Variants in TMEM179B observed in about 807,000 individuals in gnomAD.
TMEM179B encodes the protein transmembrane protein 179B.
A neutral mutation model predicts 18.0 loss-of-function variants in TMEM179B; 13 were observed. The observed-to-expected ratio is 0.72, with a 90% CI of 0.47 to 1.15. The LOEUF (loss-of-function observed/expected upper bound fraction) is 1.15, where lower values mean the gene tolerates loss of function less well. Ranked by LOEUF, TMEM179B falls within the 50% of genes most tolerant of loss-of-function variation. The probability of loss-of-function intolerance (pLI) is 0.00; values close to 1 mark genes in which losing one functional copy is unlikely to be tolerated. For synonymous variants in TMEM179B, 159 were observed against 117.5 expected (o/e 1.35, Z -2.29); for missense variants, 320 against 270.6 (o/e 1.18, Z -1.28).
chr11:62,790,158 G>C lies in TMEM179B; in HGVS notation c.*111G>C, dbSNP rs2134744255. On this transcript the variant is annotated 3_prime_UTR_variant, in exon 5 of 5. Transcript: ENST00000333449. ...AGTCTTAGTTTTCCTTTCGTTGGGG[G>C]GTGGGGGGGAAACATAATGACAGGC... 7.8e-7 allele frequency: 1 copy of C among 1,282,152 alleles called. No homozygotes were observed. Among genetic ancestry groups the C allele is most frequent in the Non-Finnish European group, 1.0e-6 (1 of 963,648 alleles). 79.4% of individuals were successfully genotyped at this position (1,282,152 alleles called of 1,614,324 possible).
chr11:62,787,460 A>G lies in TMEM179B; in HGVS notation c.29A>G (p.Glu10Gly), dbSNP rs947126378. The G allele has an allele frequency of 3.2e-6, 5 of 1,574,170 alleles. No homozygotes were observed. The African/African-American group carries it at 5.4e-5, about 17-fold the overall frequency. Residue 10 changes from glutamate (E) to glycine (G), a missense_variant, in exon 1 of 5, where the codon GAG becomes GGG. Transcript: ENST00000333449. MALSWLQRV[E>G]LALFAAAFLC... ...GCGCTGTCCTGGCTGCAGCGCGTCG[A>G]GCTTGCGCTCTTTGCTGCCGCCTTC...
In TMEM179B at chr11:62,789,694, T is replaced by C; in HGVS notation, c.498+15T>C. 3 of 1,533,068 alleles carry C rather than the reference T, an allele frequency of 2.0e-6. No homozygotes were observed. Among genetic ancestry groups the C allele is most frequent in the Non-Finnish European group, 2.6e-6 (3 of 1,142,652 alleles). 95.0% of individuals were successfully genotyped at this position (1,533,068 alleles called of 1,614,324 possible). A position where few individuals can be genotyped will look rare whatever the true frequency, so the allele number is the denominator to read the frequency against. On this transcript the variant is annotated intron_variant, in intron 4 of 4. Transcript: ENST00000333449. ...ACAATGCTGAAGTGAGACCCAAGGA[T>C]AGGAGGAAAAACTGACATAAATATC...
At chr11:62,789,529 G>T (rs1042221460) in intron 3 of TMEM179B, 72 bp from the exon 4 acceptor site, 4 of 1,580,500 alleles carry the variant, frequency 2.5e-6, no homozygotes, top group African/African-American at 2.7e-5. Flanking sequence ...TCAACTCACA[G>T]GGCACTGGGC....
At chr11:62,787,642 A>G in intron 1 of TMEM179B, 115 bp downstream of exon 1, 2 of 1,329,360 alleles carry the variant, frequency 1.5e-6, no homozygotes, top group East Asian at 5.1e-5. Flanking sequence ...GGACCTGGTG[A>G]GGCACGGCTG....
At chr11:62,788,314 A>T (rs1408559013) in intron 1 of TMEM179B, among the ~76,000 whole-genome samples, 1 of 151,990 alleles carries the variant, frequency 6.6e-6, no homozygotes, top group Non-Finnish European at 1.5e-5. Context: ...GAGGCAGGAG[A>T]ATCGCTTGAA....
Position 62,789,105 on chromosome 11 carries a change from C to A in TMEM179B, c.179C>A (p.Pro60Gln). The A allele has an allele frequency of 6.2e-7, 1 of 1,614,228 alleles. No individual in the cohort carries two copies. The highest frequency in any genetic ancestry group is 8.5e-7 in the Non-Finnish European group (1 of 1,180,030). Reference protein sequence around the residue: ...SSLALSRPSAPSLCYFVAGAS... With the variant: ...SSLALSRPSAQSLCYFVAGAS... ...CTGGCCTTATCCCGTCCCTCAGCAC[C>A]ATCCCTGTGCTACTTTGTAGCTGGG... Residue 60 changes from proline to glutamine, a missense_variant, in exon 2 of 5, where the codon CCA becomes CAA. By Grantham distance (76) the Pro-to-Gln change is moderately conservative. Transcript: ENST00000333449.
chr11:62,787,967 A>G (rs1451312615), intron 1 of TMEM179B: 6 of 471,998 alleles, frequency 1.3e-5, no homozygotes, highest in South Asian at 3.1e-5. Flanking sequence ...TGACAAAATG[A>G]GAGATGGAGA....
Position 62,787,449 on chromosome 11 carries a change from G to A in TMEM179B, c.18G>A (p.Leu6=). 1 of 1,568,718 alleles carries A rather than the reference G, an allele frequency of 6.4e-7. No individual in the cohort carries two copies. Among genetic ancestry groups the A allele is most frequent in the South Asian group, 1.1e-5 (1 of 87,828 alleles). The change falls in exon 1 of 5, where the codon CTG becomes CTA. Residue 6 remains leucine (L), a synonymous_variant. Coordinates refer to ENST00000333449, the MANE Select transcript of TMEM179B (RefSeq NM_199337.3). The part of the protein sequence containing the change: MALSW[L]QRVELALFAA... ...AGGGCGCCATGGCGCTGTCCTGGCT[G>A]CAGCGCGTCGAGCTTGCGCTCTTTG...
Position 62,787,484 on chromosome 11 carries a change from T to A in TMEM179B, c.53T>A (p.Phe18Tyr), listed in dbSNP as rs1276875283. The stretch of plus-strand genomic sequence containing the variant: ...GAGCTTGCGCTCTTTGCTGCCGCCT[T>A]CCTGTGCGGGGCCGTGGCGGCCGCG... ...RVELALFAAA[F>Y]LCGAVAAAAM... Residue 18 changes from phenylalanine (F) to tyrosine (Y), a missense_variant, in exon 1 of 5, where the codon TTC becomes TAC. By Grantham distance (22) the Phe-to-Tyr change is conservative. Coordinates refer to ENST00000333449, the MANE Select transcript of TMEM179B (RefSeq NM_199337.3). 7.2e-5 allele frequency: 114 copies of A among 1,580,080 alleles called. No homozygotes were observed. Among genetic ancestry groups the A allele is most frequent in the Non-Finnish European group, 9.5e-5 (111 of 1,170,898 alleles).
intron 1 of TMEM179B, among the ~76,000 whole-genome samples, chr11:62,788,186 T>G (rs1305812099): frequency 7.0e-6 from 1 of 143,450 alleles, no homozygotes; most frequent in Non-Finnish European, 1.5e-5. Flanking sequence ...GCGGATCACT[T>G]GAGGTCAGGA....
In TMEM179B at chr11:62,789,273, C is replaced by G. The variant is rs1242058766; in HGVS notation, c.285-19C>G. ...GATGAGCCTCACCTCCACCACAAGG[C>G]TTGTTCTCTCCCTTTCAGAGGTGCT... On this transcript the variant is annotated intron_variant, in intron 2 of 4. Coordinates refer to ENST00000333449, the MANE Select transcript of TMEM179B (RefSeq NM_199337.3). The G allele has an allele frequency of 1.9e-6, 3 of 1,614,110 alleles. No individual in the cohort carries two copies. Among genetic ancestry groups the G allele is most frequent in the Admixed American group, 3.3e-5 (2 of 60,010 alleles).
At chr11:62,787,636 C>T (rs1047698794) in intron 1 of TMEM179B, 109 bp downstream of exon 1, 4 of 1,352,636 alleles carry the variant, frequency 3.0e-6, no homozygotes, top group Non-Finnish European at 2.9e-6. Flanking sequence ...GCCGGTGGAC[C>T]TGGTGAGGCA....
In TMEM179B at chr11:62,787,411, C is replaced by G. The variant is rs772694587; in HGVS notation, c.-21C>G. The G allele has an allele frequency of 7.7e-6, 12 of 1,556,778 alleles. No individual in the cohort carries two copies. Among genetic ancestry groups the G allele is most frequent in the Admixed American group, 7.5e-5 (4 of 53,166 alleles). On this transcript the variant is annotated 5_prime_UTR_variant, in exon 1 of 5. Coordinates refer to ENST00000333449, the MANE Select transcript of TMEM179B (RefSeq NM_199337.3). ...TGGGCGGGGTGCTGCTGCAGCGGCG[C>G]TTCCTGGTGGTCAGGGCGCCATGGC...
chr11:62,789,356 T>TC lies in TMEM179B; in HGVS notation c.350dup (p.Ala118CysfsTer23). The TC allele has an allele frequency of 6.2e-7, 1 of 1,613,972 alleles. No homozygotes were observed. Among genetic ancestry groups the TC allele is most frequent in the Non-Finnish European group, 8.5e-7 (1 of 1,180,014 alleles). ...TATAGCCGTCTTCCTGGTCTTGGTG[T>TC]CTGCCTGTATCCTTCGATTTGGCAC... is the stretch of plus-strand genomic sequence containing the variant. On this transcript the variant is annotated frameshift_variant, in exon 3 of 5. Coordinates refer to ENST00000333449, the MANE Select transcript of TMEM179B (RefSeq NM_199337.3). LOFTEE classifies it high-confidence loss of function.
rs2084342551 is a variant in TMEM179B, at chr11:62,790,150, C to T, written c.*103C>T. ...ATGTTGGGAGTCTTAGTTTTCCTTTCGTTGGGGGGTGGGGGGGAAACATAA... is the reference window on the plus strand; with the variant it reads ...ATGTTGGGAGTCTTAGTTTTCCTTTTGTTGGGGGGTGGGGGGGAAACATAA... On this transcript the variant is annotated 3_prime_UTR_variant, in exon 5 of 5. Transcript: ENST00000333449. 14 of 459,242 alleles carry T rather than the reference C, an allele frequency of 3.0e-5. No individual in the cohort carries two copies. The highest frequency in any genetic ancestry group is 6.0e-5 in the East Asian group (1 of 16,556). The allele number at this position is 459,242 out of a possible 1,614,324, so 28.4% of individuals were successfully genotyped here.
intron 1 of TMEM179B, 93 bp from the exon 2 acceptor site, chr11:62,788,930 G>A (rs922791556): frequency 2.2e-6 from 3 of 1,347,800 alleles, no homozygotes; most frequent in African/African-American, 2.9e-5. Context: ...CTGGAATGCA[G>A]GACCATTCCT....
In TMEM179B at chr11:62,789,677, G is replaced by A; in HGVS notation, c.496G>A (p.Glu166Lys). The change falls in exon 4 of 5, where the codon GAA becomes AAA. Residue 166 changes from glutamate (E) to lysine (K), a missense_variant and splice_region_variant. Glu to Lys is a moderately conservative substitution (Grantham distance 56). Coordinates refer to ENST00000333449, the MANE Select transcript of TMEM179B (RefSeq NM_199337.3). ...GTTTTACTCCAACCTACACAATGCT[G>A]AAGTGAGACCCAAGGATAGGAGGAA... is the stretch of plus-strand genomic sequence containing the variant. ...LQFYSNLHNAETSSWVNLVLW... is the reference protein window; with the variant it reads ...LQFYSNLHNAKTSSWVNLVLW... The A allele has an allele frequency of 1.9e-6, 3 of 1,542,276 alleles. No homozygotes were observed.
chr11:62,790,107 C>G lies in TMEM179B; in HGVS notation c.*60C>G, dbSNP rs2084341672. On this transcript the variant is annotated 3_prime_UTR_variant, in exon 5 of 5. Transcript: ENST00000333449. ...CCATGCCCAAGTGCCTGTAATCCCCCCCCTCAAGGCCCTGTTTATGTTGGG... is the reference window on the plus strand; with the variant it reads ...CCATGCCCAAGTGCCTGTAATCCCCGCCCTCAAGGCCCTGTTTATGTTGGG... 3 of 1,492,256 alleles carry G rather than the reference C, an allele frequency of 2.0e-6. No individual in the cohort carries two copies. The highest frequency in any genetic ancestry group is 1.4e-5 in the South Asian group (1 of 73,544). The allele number at this position is 1,492,256 out of a possible 1,614,324, so 92.4% of individuals were successfully genotyped here.
Position 62,789,065 on chromosome 11 carries a change from CT to C in TMEM179B, c.140del (p.Leu47ArgfsTer20). 1 of 1,614,182 alleles carries C rather than the reference CT, an allele frequency of 6.2e-7. No homozygotes were observed. The highest frequency in any genetic ancestry group is 8.5e-7 in the Non-Finnish European group (1 of 1,180,024). Reference sequence around the variant, plus strand: ...ATGTCCCCTGTATGGTGTGGCCACCCTGAATGGCTCCTCCCTGGCCTTATCC... The same window carrying C: ...ATGTCCCCTGTATGGTGTGGCCACCCGAATGGCTCCTCCCTGGCCTTATCC... ...GRCPLYGVATLNGSSLALSRP... is the reference protein window; with the variant it reads ...GRCPLYGVATXNGSSLALSRP... On this transcript the variant is annotated frameshift_variant, in exon 2 of 5. Transcript: ENST00000333449. LOFTEE classifies it high-confidence loss of function.
Sources: allele counts gnomAD v4.1 joint callset (sites outside exome capture counted in the v4.1 genomes callset), GRCh38; gene constraint gnomAD v4.1.1; transcripts MANE v1.5; gene names NCBI Gene and HGNC (gene_info 2026-07-23, HGNC 2026-07-21).